ZPBP: variants seen among roughly 807,000 people sequenced by gnomAD.
ZPBP encodes zona pellucida-binding protein 1.
ZPBP carries 26 observed loss-of-function variants against 44.8 expected under a neutral mutation model. The ratio of observed to expected loss-of-function variants is 0.58; its 90% CI spans 0.43 to 0.81. ZPBP has a LOEUF of 0.81. Among genes scored for constraint, ZPBP ranks in the 30% least tolerant of loss-of-function variants. ZPBP has a pLI of 0.00. For synonymous variants in ZPBP, 174 were observed against 153.2 expected (o/e 1.14, Z -1.00); for missense variants, 409 against 434.0 (o/e 0.94, Z 0.51).
At position 49,982,178 on chromosome 7, in the gene ZPBP, T is replaced by A. The variant is rs1183378990; in HGVS notation, c.961+1164A>T. 1.9e-4 allele frequency among the ~76,000 whole-genome samples: 17 copies of A among 91,668 alleles called. 2 individuals carry two copies. Among genetic ancestry groups the A allele is most frequent in the African/African-American group, 7.7e-4 (17 of 22,054 alleles). The allele number at this position is 91,668 out of a possible 152,430, so 60.1% of individuals were successfully genotyped here. A position where few individuals can be genotyped will look rare whatever the true frequency, so the allele number is the denominator to read the frequency against. On this transcript the variant is annotated intron_variant, in intron 7 of 7. Coordinates refer to ENST00000046087, the MANE Select transcript of ZPBP (RefSeq NM_007009.3). ...ATATATAATATATATTATATATATATAATTTATTATTATATATATTTATTA... is the reference window on the plus strand; with the variant it reads ...ATATATAATATATATTATATATATAAAATTTATTATTATATATATTTATTA...
chr7:49,906,194 C>T (rs1400789894), intron 1 of ZPBP, among the ~76,000 whole-genome samples: 1 of 152,166 alleles, frequency 6.6e-6, no homozygotes, highest in African/African-American at 2.4e-5. Flanking sequence ...TTCTTTCTTG[C>T]ATGAAATCCA....
intron 2 of ZPBP, among the ~76,000 whole-genome samples, chr7:49,897,146 C>T (rs1266189787): frequency 6.6e-6 from 1 of 151,998 alleles, no homozygotes; most frequent in Non-Finnish European, 1.5e-5. Flanking sequence ...CCACCCGCCT[C>T]GGCCTCCCAA....
At chr7:49,956,253 GAATTT>G (rs1367517970) in intron 7 of ZPBP, among the ~76,000 whole-genome samples, 2 of 151,796 alleles carry the variant, frequency 1.3e-5, no homozygotes, top group East Asian at 3.9e-4. Flanking sequence ...AAAATATTTT[GAATTT>G]AATAATAATG....
chr7:49,997,895 TA>T (rs1344562440), intron 6 of ZPBP, among the ~76,000 whole-genome samples: 1 of 143,544 alleles, frequency 7.0e-6, no homozygotes, highest in Non-Finnish European at 1.5e-5. Context: ...CTTTCTCAAT[TA>T]AATGTCTTTA....
chr7:49,891,200 A>T (rs1411826232), intron 2 of ZPBP, among the ~76,000 whole-genome samples: 1 of 152,228 alleles, frequency 6.6e-6, no homozygotes, highest in Non-Finnish European at 1.5e-5. Context: ...AACCAAAAAA[A>T]TGCAGTTAGC....
chr7:49,932,662 G>A (rs1794486338), downstream of ZPBP, among the ~76,000 whole-genome samples: 1 of 152,166 alleles, frequency 6.6e-6, no homozygotes, highest in Non-Finnish European at 1.5e-5. Context: ...GGACTGTTGG[G>A]AAGGTATGAT....
At chr7:50,021,767 A>T (rs1799103607) in intron 5 of ZPBP, among the ~76,000 whole-genome samples, 3 of 152,134 alleles carry the variant, frequency 2.0e-5, no homozygotes, top group African/African-American at 7.2e-5. Context: ...ACATGCAGAG[A>T]TACTGGGTGG....
intron 2 of ZPBP, among the ~76,000 whole-genome samples, chr7:49,889,913 G>T (rs1478900499): frequency 6.6e-6 from 1 of 152,120 alleles, no homozygotes; most frequent in African/African-American, 2.4e-5. Context: ...AAAAGTTTGA[G>T]AGACAAATAT....
intron 3 of ZPBP, among the ~76,000 whole-genome samples, chr7:50,074,336 C>T (rs1392048025): frequency 1.3e-5 from 2 of 151,716 alleles, no homozygotes; most frequent in East Asian, 3.9e-4. Context: ...GAGAAAATCG[C>T]CTTCACTACT....
At chr7:50,010,922 A>C (rs1019291679) in intron 6 of ZPBP, among the ~76,000 whole-genome samples, 8 of 137,762 alleles carry the variant, frequency 5.8e-5, no homozygotes, top group African/African-American at 1.2e-4. Flanking sequence ...AAAAAAAAAA[A>C]AAAAAACAAA....
Position 50,015,415 on chromosome 7 carries a change from T to C in ZPBP, c.783+2825A>G, listed in dbSNP as rs868508293. On this transcript the variant is annotated intron_variant, in intron 6 of 7. Transcript: ENST00000046087. Reference sequence around the variant, plus strand: ...CCCTTCATTTCACCATATATAAAAATCAACTCACGATGGATTAAAGATTTA... The same window carrying C: ...CCCTTCATTTCACCATATATAAAAACCAACTCACGATGGATTAAAGATTTA... Among the ~76,000 whole-genome samples, 6 of 152,136 alleles carry C rather than the reference T, an allele frequency of 3.9e-5. 1 individual carries two copies. Among genetic ancestry groups the C allele is most frequent in the Middle Eastern group, 6.8e-3 (2 of 294 alleles).
intron 1 of ZPBP, among the ~76,000 whole-genome samples, chr7:49,907,339 C>T (rs529637083): frequency 2.0e-5 from 3 of 152,172 alleles, no homozygotes; most frequent in South Asian, 4.1e-4. Flanking sequence ...ATAATACAAC[C>T]ACACAGAGAA....
chr7:50,084,029 G>A (rs567783587), intron 2 of ZPBP, among the ~76,000 whole-genome samples: 1 of 151,922 alleles, frequency 6.6e-6, no homozygotes, highest in East Asian at 1.9e-4. Flanking sequence ...TGTAGGGAGA[G>A]GATATTTGCA....
chr7:49,922,046 C>A (rs926206862), intron 1 of ZPBP: 1 of 151,938 alleles, frequency 6.6e-6, no homozygotes, highest in Non-Finnish European at 1.5e-5. Context: ...AATGTATATA[C>A]GTCATTAAAA....
intron 6 of ZPBP, among the ~76,000 whole-genome samples, chr7:49,990,471 A>G (rs950663501): frequency 1.3e-5 from 2 of 152,182 alleles, no homozygotes; most frequent in Non-Finnish European, 2.9e-5. Context: ...AAGAGAAGGG[A>G]AACTGGGATG....
intron 4 of ZPBP, among the ~76,000 whole-genome samples, chr7:50,031,807 G>A (rs764822472): frequency 2.0e-5 from 3 of 151,802 alleles, no homozygotes; most frequent in Non-Finnish European, 4.4e-5. Flanking sequence ...ATTGAGTTGA[G>A]TACAACATCT....
intron 4 of ZPBP, among the ~76,000 whole-genome samples, chr7:50,053,748 G>C (rs940651643): frequency 1.3e-4 from 20 of 152,132 alleles, no homozygotes; most frequent in Admixed American, 1.2e-3. Flanking sequence ...TTTGTGAACT[G>C]GTCAGAAATT....
chr7:49,911,073 T>G (rs1304731652), intron 1 of ZPBP, among the ~76,000 whole-genome samples: 1 of 152,224 alleles, frequency 6.6e-6, no homozygotes, highest in Non-Finnish European at 1.5e-5. Flanking sequence ...GACTGGTTCT[T>G]TGAAGGTCTT....
At chr7:49,880,775 T>C (rs1459298485) in intron 2 of ZPBP, among the ~76,000 whole-genome samples, 1 of 152,026 alleles carries the variant, frequency 6.6e-6, no homozygotes, top group Non-Finnish European at 1.5e-5. Context: ...GGCACATGTA[T>C]ACATAGGCAT....
Sources: gnomAD v4.1 joint callset for allele counts (sites outside exome capture counted in the v4.1 genomes callset) on GRCh38, gnomAD v4.1.1 for gene constraint, MANE v1.5 for transcripts, NCBI Gene and HGNC (gene_info 2026-07-23, HGNC 2026-07-21) for gene names.